Variants in NAA40 observed in about 807,000 individuals in gnomAD.
NAA40 encodes N-alpha-acetyltransferase 40.
In NAA40, 26 loss-of-function variants were observed where a neutral mutation model predicts 36.6. The observed-to-expected ratio is 0.71, with a 90% CI of 0.52 to 0.98. NAA40 has a LOEUF of 0.98. Among genes scored for constraint, NAA40 ranks in the 50% least tolerant of loss-of-function variants. The pLI, the probability that NAA40 is intolerant of heterozygous loss-of-function variation, is 0.00. For synonymous variants in NAA40, 129 were observed against 108.4 expected, an observed-to-expected ratio of 1.19 and a Z score of -1.18; for missense variants, 237 against 306.5, an observed-to-expected ratio of 0.77 and a Z score of 1.69.
chr11:63,952,728 C>G (rs772701587), intron 5 of NAA40, 28 bp from the exon 6 acceptor site: 4 of 1,613,138 alleles, frequency 2.5e-6, no homozygotes, highest in Non-Finnish European at 3.4e-6. Context: ...CCATCCTGCA[C>G]GCTCACCTCT....
rs149499963 is a variant in NAA40, at chr11:63,953,793, T to A, written c.495-179T>A. Among the ~76,000 whole-genome samples, 278 of 152,176 alleles carry A rather than the reference T, an allele frequency of 1.8e-3. 2 individuals carry two copies. Among genetic ancestry groups the A allele is most frequent in the African/African-American group, 6.2e-3 (257 of 41,510 alleles). The stretch of plus-strand genomic sequence containing the variant: ...TGCCACTATACTGGGCTGATTTTTT[T>A]AAATTTTTAAATGTTTTGTAGAAAT... On this transcript the variant is annotated intron_variant, in intron 6 of 7. Coordinates refer to ENST00000377793, the MANE Select transcript of NAA40 (RefSeq NM_024771.4).
In NAA40 at chr11:63,954,342, G is replaced by T; in HGVS notation, c.577G>T (p.Glu193Ter). 1 of 1,588,132 alleles carries T rather than the reference G, an allele frequency of 6.3e-7. No individual in the cohort carries two copies. The highest frequency in any genetic ancestry group is 1.1e-5 in the South Asian group (1 of 87,152). The change falls in exon 8 of 8, where the codon GAA (glutamate) becomes TAA (stop). Residue 193 changes from glutamate to a stop codon, truncating the protein, a stop_gained. Transcript: ENST00000377793. LOFTEE classifies it high-confidence loss of function. ...TTTCTCCTGCCTGCCTTGCAGATTT[G>T]AAATTGATGACTCTTCCCCCAGCAT... is the stretch of plus-strand genomic sequence containing the variant. ...YQFFREALQF[E>*]IDDSSPSMSG...
At chr11:63,946,550 A>G in intron 2 of NAA40, 1 of 1,174,150 alleles carries the variant, frequency 8.5e-7, no homozygotes. Context: ...CTTTTAACCC[A>G]CTCATAGTAA....
At chr11:63,947,070 T>C (rs1942200051) in intron 3 of NAA40, 67 bp downstream of exon 3, 1 of 1,482,602 alleles carries the variant, frequency 6.7e-7, no homozygotes, top group South Asian at 1.1e-5. Flanking sequence ...CTTTCCAGAG[T>C]AGGCTTCCTC....
In NAA40 at chr11:63,939,019, C is replaced by A. The variant is rs1323293393; in HGVS notation, c.-78C>A. The A allele has an allele frequency of 1.2e-5, 18 of 1,505,354 alleles. No homozygotes were observed. The highest frequency in any genetic ancestry group is 1.5e-5 in the Non-Finnish European group (17 of 1,098,068). The allele number at this position is 1,505,354 out of a possible 1,614,324, so 93.2% of individuals were successfully genotyped here. ...GCAGGGCCGTCCGCTCTGCTGCCGC[C>A]GCTGTTGCAGCCACCGCCGTTGCCG... On this transcript the variant is annotated 5_prime_UTR_variant, in exon 1 of 8. Coordinates refer to ENST00000377793, the MANE Select transcript of NAA40 (RefSeq NM_024771.4).
chr11:63,944,225 T>C (rs966647557), intron 1 of NAA40, among the ~76,000 whole-genome samples: 1 of 152,192 alleles, frequency 6.6e-6, no homozygotes. Flanking sequence ...TTTCAACTCA[T>C]GCAGAAGGTT....
At chr11:63,944,393 C>T (rs540178621) in intron 1 of NAA40, among the ~76,000 whole-genome samples, 3 of 152,266 alleles carry the variant, frequency 2.0e-5, no homozygotes, top group South Asian at 4.1e-4. Flanking sequence ...GCCAACTTAC[C>T]AGTGCCTTTG....
chr11:63,949,645 T>C (rs1194275847), intron 3 of NAA40, among the ~76,000 whole-genome samples: 3 of 152,062 alleles, frequency 2.0e-5, no homozygotes, highest in Non-Finnish European at 2.9e-5. Context: ...GAATTGTAGC[T>C]GGGCTTCTTA....
intron 1 of NAA40, among the ~76,000 whole-genome samples, chr11:63,944,734 C>T (rs1396630098): frequency 6.6e-6 from 1 of 151,958 alleles, no homozygotes; most frequent in East Asian, 1.9e-4. Context: ...GAAACCCCGT[C>T]ACTACTAAAA....
intron 1 of NAA40, among the ~76,000 whole-genome samples, chr11:63,945,190 G>A (rs1053764827): frequency 6.6e-6 from 1 of 152,186 alleles, no homozygotes; most frequent in African/African-American, 2.4e-5. Context: ...TGTCATCTGT[G>A]TCCTGAGGTG....
Position 63,945,830 on chromosome 11 carries a change from C to G in NAA40, c.7-10C>G. On this transcript the variant is annotated splice_polypyrimidine_tract_variant and intron_variant, in intron 1 of 7. Coordinates refer to ENST00000377793, the MANE Select transcript of NAA40 (RefSeq NM_024771.4). ...GCCATTCCAGCTAACGTTGCTTTTC[C>G]CTGTTGCAGAGAAAGTCAAGCAAAG... The G allele has an allele frequency of 3.1e-6, 5 of 1,612,866 alleles. No individual in the cohort carries two copies. Among genetic ancestry groups the G allele is most frequent in the Non-Finnish European group, 4.2e-6 (5 of 1,178,876 alleles).
At chr11:63,939,865 GACC>G (rs1222667363) in intron 1 of NAA40, among the ~76,000 whole-genome samples, 1 of 152,074 alleles carries the variant, frequency 6.6e-6, no homozygotes, top group Admixed American at 6.6e-5. Flanking sequence ...GATGGATATT[GACC>G]ACTTGTTCCG....
At chr11:63,939,312 C>T (rs1000566246) in intron 1 of NAA40, 1 of 1,262,272 alleles carries the variant, frequency 7.9e-7, no homozygotes, top group Non-Finnish European at 1.0e-6. Context: ...GTCCGGGGCC[C>T]CACCCCCTCG....
In NAA40 at chr11:63,953,971, G is replaced by A. The variant is rs1308548949; in HGVS notation, c.495-1G>A. The stretch of plus-strand genomic sequence containing the variant: ...AAGGCGTTTGCTCTGCTTTCTTCCA[G>A]CACACAGATGAAGAAGGTTATGTTA... On this transcript the variant is annotated splice_acceptor_variant, in intron 6 of 7. Coordinates refer to ENST00000377793, the MANE Select transcript of NAA40 (RefSeq NM_024771.4). LOFTEE classifies it high-confidence loss of function. 3 of 1,613,536 alleles carry A rather than the reference G, an allele frequency of 1.9e-6. No homozygotes were observed. The highest frequency in any genetic ancestry group is 2.5e-6 in the Non-Finnish European group (3 of 1,179,812).
chr11:63,952,071 CT>C, intron 3 of NAA40, 166 bp from the exon 4 acceptor site: 1 of 581,494 alleles, frequency 1.7e-6, no homozygotes. Context: ...GCCTGAAAGA[CT>C]TTGTTCCTGC....
chr11:63,939,538 A>T, intron 1 of NAA40: 2 of 983,602 alleles, frequency 2.0e-6, no homozygotes, highest in Non-Finnish European at 2.4e-6. Flanking sequence ...AGCCAAGGTC[A>T]TATTGTCGGG....
chr11:63,945,955 C>G lies in NAA40; in HGVS notation c.102+20C>G. The G allele has an allele frequency of 6.2e-7, 1 of 1,602,646 alleles. No homozygotes were observed. Among genetic ancestry groups the G allele is most frequent in the Non-Finnish European group, 8.5e-7 (1 of 1,169,672 alleles). ...AACAGGGTGATTCTCCCTTTCTTCCCAGTCCCTGCCTCCTGGGACTTCAGC... is the reference window on the plus strand; with the variant it reads ...AACAGGGTGATTCTCCCTTTCTTCCGAGTCCCTGCCTCCTGGGACTTCAGC... On this transcript the variant is annotated intron_variant, in intron 2 of 7. Coordinates refer to ENST00000377793, the MANE Select transcript of NAA40 (RefSeq NM_024771.4).
At chr11:63,939,573 C>T (rs1321582672) in intron 1 of NAA40, 6 of 810,678 alleles carry the variant, frequency 7.4e-6, no homozygotes, top group Admixed American at 6.2e-5. Context: ...CCTTGGGCCT[C>T]CCGAATCCCA....
chr11:63,950,535 T>C (rs1202726314), intron 3 of NAA40, among the ~76,000 whole-genome samples: 1 of 152,168 alleles, frequency 6.6e-6, no homozygotes, highest in Non-Finnish European at 1.5e-5. Context: ...TGATCTTGGC[T>C]CACTGCAACC....
Sources: allele counts gnomAD v4.1 joint callset (sites outside exome capture counted in the v4.1 genomes callset), GRCh38; gene constraint gnomAD v4.1.1; transcripts MANE v1.5; gene names NCBI Gene and HGNC (gene_info 2026-07-23, HGNC 2026-07-21).